Variants in RANBP2 observed in about 807,000 individuals in gnomAD.
RANBP2 encodes the protein E3 SUMO-protein ligase RanBP2.
RANBP2 carries 57 observed loss-of-function variants against 303.6 expected under a neutral mutation model. That is an observed-to-expected ratio of 0.19 (90% CI 0.15 to 0.23). RANBP2 has a LOEUF of 0.23. Among genes scored for constraint, RANBP2 ranks in the 10% least tolerant of loss-of-function variants. The pLI is 1.00. For missense variants in RANBP2, 3,138 were observed against 3,780.8 expected, an observed-to-expected ratio of 0.83 and a Z score of 4.46; for synonymous variants, 1,167 against 1,301.5, an observed-to-expected ratio of 0.90 and a Z score of 2.23.
At chr2:108,843,867 TGTGTGTGTG>T in the RANBP2 span, among the ~76,000 whole-genome samples, 9 of 140,258 alleles carry the variant, frequency 6.4e-5, no homozygotes, top group South Asian at 2.4e-4. Context: ...TGTGTGTGTG[TGTGTGTGTG>T]TGTTTCTTTC....
the RANBP2 span, among the ~76,000 whole-genome samples, chr2:108,947,836 C>T: frequency 4.6e-5 from 7 of 152,208 alleles, no homozygotes; most frequent in Admixed American, 4.6e-4. Flanking sequence ...CCTCCACTGT[C>T]TTGACTATTA....
the RANBP2 span, among the ~76,000 whole-genome samples, chr2:109,290,057 A>G: frequency 1.1e-4 from 17 of 152,218 alleles, no homozygotes; most frequent in Non-Finnish European, 2.1e-4. Flanking sequence ...CCTGGAATTC[A>G]GGATTAACCA....
At chr2:109,142,192 G>A in the RANBP2 span, among the ~76,000 whole-genome samples, 4 of 152,098 alleles carry the variant, frequency 2.6e-5, no homozygotes, top group African/African-American at 7.2e-5. Flanking sequence ...CCCCCTGGGC[G>A]GACTCTTGCG....
chr2:109,695,990 GTC>G, the RANBP2 span, among the ~76,000 whole-genome samples: 1 of 151,150 alleles, frequency 6.6e-6, no homozygotes, highest in Admixed American at 6.6e-5. Context: ...TTGAGATAGA[GTC>G]TCACTCTATT....
the RANBP2 span, among the ~76,000 whole-genome samples, chr2:109,606,515 A>G: frequency 6.6e-6 from 1 of 152,212 alleles, no homozygotes; most frequent in African/African-American, 2.4e-5. Context: ...CATAGTGGAC[A>G]TAGTTATAGC....
At chr2:109,167,728 C>T in the RANBP2 span, among the ~76,000 whole-genome samples, 1 of 152,118 alleles carries the variant, frequency 6.6e-6, no homozygotes. Flanking sequence ...CCTGTCACCA[C>T]GCCTGGCTAA....
the RANBP2 span, among the ~76,000 whole-genome samples, chr2:109,457,526 G>A: frequency 1.3e-5 from 2 of 152,238 alleles, no homozygotes; most frequent in South Asian, 2.1e-4. Context: ...TAACTAATCA[G>A]GATTACTGTG....
the RANBP2 span, among the ~76,000 whole-genome samples, chr2:109,740,267 G>A: frequency 2.0e-5 from 3 of 151,920 alleles, no homozygotes; most frequent in Non-Finnish European, 2.9e-5. Flanking sequence ...GATTACAGGC[G>A]TGAGCCACTG....
chr2:108,959,788 G>A, the RANBP2 span, among the ~76,000 whole-genome samples: 1 of 152,162 alleles, frequency 6.6e-6, no homozygotes, highest in Non-Finnish European at 1.5e-5. Flanking sequence ...CTGAAAATGA[G>A]AAAGATATGT....
chr2:109,513,892 C>CA, the RANBP2 span, among the ~76,000 whole-genome samples: 1 of 149,650 alleles, frequency 6.7e-6, no homozygotes, highest in Non-Finnish European at 1.5e-5. Flanking sequence ...TCAGCTACCC[C>CA]AGGGGGACCA....
the RANBP2 span, among the ~76,000 whole-genome samples, chr2:109,531,048 C>A: frequency 2.6e-5 from 4 of 152,296 alleles, no homozygotes; most frequent in East Asian, 7.7e-4. Context: ...CTCTAGCCCA[C>A]ACCCAGGCCT....
the RANBP2 span, chr2:108,910,612 C>CCAACAGGAAGAGCAG: frequency 1.4e-6 from 2 of 1,430,970 alleles, no homozygotes; most frequent in Non-Finnish European, 2.0e-6. Context: ...CCTGCTCTTC[C>CCAACAGGAAGAGCAG]TGTTGGGCAG....
chr2:108,967,097 G>A, the RANBP2 span, among the ~76,000 whole-genome samples: 1 of 152,132 alleles, frequency 6.6e-6, no homozygotes, highest in Admixed American at 6.6e-5. Flanking sequence ...ACCATGCCAG[G>A]CTAATTTTTG....
At chr2:109,536,309 G>C in the RANBP2 span, among the ~76,000 whole-genome samples, 1 of 152,222 alleles carries the variant, frequency 6.6e-6, no homozygotes, top group Non-Finnish European at 1.5e-5. Context: ...GGGCAGAGCT[G>C]CCCAAGACCA....
At chr2:109,475,222 C>A in the RANBP2 span, among the ~76,000 whole-genome samples, 1 of 152,154 alleles carries the variant, frequency 6.6e-6, no homozygotes, top group South Asian at 2.1e-4. Context: ...CGTGATCCAC[C>A]CGCCTCGGCC....
At chr2:108,867,304 C>G in the RANBP2 span, among the ~76,000 whole-genome samples, 2 of 152,020 alleles carry the variant, frequency 1.3e-5, no homozygotes, top group African/African-American at 4.8e-5. Context: ...CTGAGAGATT[C>G]CAGAGTGGGA....
the RANBP2 span, among the ~76,000 whole-genome samples, chr2:109,260,370 T>C: frequency 4.6e-5 from 7 of 152,192 alleles, no homozygotes; most frequent in Non-Finnish European, 7.3e-5. Context: ...GGGAGCTGCA[T>C]GTGCCCTTCC....
the RANBP2 span, among the ~76,000 whole-genome samples, chr2:109,102,132 G>A: frequency 4.0e-5 from 6 of 151,166 alleles, no homozygotes; most frequent in Non-Finnish European, 8.8e-5. Flanking sequence ...ACAGAGTCTC[G>A]CTCTGTCGCC....
At chr2:108,914,746 G>A in the RANBP2 span, among the ~76,000 whole-genome samples, 3 of 152,180 alleles carry the variant, frequency 2.0e-5, no homozygotes, top group Non-Finnish European at 4.4e-5. Context: ...TCCGTGAAGT[G>A]CACTTGGTCT....
Sources: allele counts gnomAD v4.1 joint callset (sites outside exome capture counted in the v4.1 genomes callset), GRCh38; gene constraint gnomAD v4.1.1; transcripts MANE v1.5; gene names NCBI Gene and HGNC (gene_info 2026-07-23, HGNC 2026-07-21).